RAB38: variants seen among roughly 807,000 people sequenced by gnomAD.
RAB38 encodes the protein RAB38, member RAS oncogene family.
Under a neutral mutation model 18.4 loss-of-function variants are expected in RAB38, and 15 were observed. The ratio of observed to expected loss-of-function variants is 0.82; its 90% CI spans 0.55 to 1.26. The LOEUF (loss-of-function observed/expected upper bound fraction) is 1.26. Among genes scored for constraint, RAB38 ranks in the 50% most tolerant of loss-of-function variants. RAB38 has a pLI of 0.00. For missense variants in RAB38, 294 were observed against 267.4 expected (o/e 1.10, Z -0.69); for synonymous variants, 101 against 104.4 (o/e 0.97, Z 0.20).
chr11:88,018,202 C>T, the RAB38 span, among the ~76,000 whole-genome samples: 1 of 152,138 alleles, frequency 6.6e-6, no homozygotes, highest in Non-Finnish European at 1.5e-5. Flanking sequence ...GCTAATAACC[C>T]TGCTTCTTAT....
At chr11:88,120,902 TAG>T (rs1322083920) in intron 2 of RAB38, among the ~76,000 whole-genome samples, 1 of 152,084 alleles carries the variant, frequency 6.6e-6, no homozygotes, top group Non-Finnish European at 1.5e-5. Context: ...CACCAAATAT[TAG>T]AGAGGAGGGG....
chr11:87,904,426 A>AT, the RAB38 span, among the ~76,000 whole-genome samples: 2 of 151,598 alleles, frequency 1.3e-5, no homozygotes, highest in African/African-American at 2.4e-5. Context: ...TGATTTTGTT[A>AT]TTTTTTAATG....
At chr11:88,032,061 T>C in the RAB38 span, among the ~76,000 whole-genome samples, 1 of 151,046 alleles carries the variant, frequency 6.6e-6, no homozygotes, top group African/African-American at 2.4e-5. Flanking sequence ...AACAGAGCCC[T>C]CAGAAATAAT....
chr11:88,094,341 A>G, the RAB38 span, among the ~76,000 whole-genome samples: 4 of 151,914 alleles, frequency 2.6e-5, no homozygotes, highest in Non-Finnish European at 5.9e-5. Context: ...TTCAATAGGC[A>G]CATGGATCAA....
intron 2 of RAB38, among the ~76,000 whole-genome samples, chr11:88,126,806 G>A (rs940861367): frequency 2.0e-5 from 3 of 152,046 alleles, no homozygotes; most frequent in African/African-American, 4.8e-5. Flanking sequence ...GTTTCTTTAC[G>A]TATAATCTGT....
the RAB38 span, among the ~76,000 whole-genome samples, chr11:87,871,092 G>A: frequency 6.6e-6 from 1 of 151,554 alleles, no homozygotes; most frequent in Admixed American, 6.6e-5. Flanking sequence ...AAAAATTAAA[G>A]CAAACAAATT....
intron 2 of RAB38, among the ~76,000 whole-genome samples, chr11:88,119,325 TG>T (rs1357797856): frequency 6.6e-6 from 1 of 152,152 alleles, no homozygotes; most frequent in African/African-American, 2.4e-5. Context: ...CATGTACCCC[TG>T]TATCTAAAAG....
chr11:88,114,395 G>A (rs1285751100), intron 2 of RAB38, among the ~76,000 whole-genome samples: 1 of 152,160 alleles, frequency 6.6e-6, no homozygotes, highest in Non-Finnish European at 1.5e-5. Flanking sequence ...TTAAATTTCA[G>A]TTAGAGGGCA....
At position 88,114,826 on chromosome 11, in the gene RAB38, T is replaced by C. The variant is rs576277546; in HGVS notation, c.484-686A>G. The stretch of plus-strand genomic sequence containing the variant: ...TGAGTGAGAATCAAGTAGAGGCAAG[T>C]ATCCCAATCAGCCCATGCTATGTAG... On this transcript the variant is annotated intron_variant, in intron 2 of 2. Transcript: ENST00000243662. Among the ~76,000 whole-genome samples the C allele has an allele frequency of 1.4e-4, 21 of 152,346 alleles. No individual in the cohort carries two copies. The South Asian group carries it at 3.5e-3, about 26-fold the overall frequency.
the RAB38 span, among the ~76,000 whole-genome samples, chr11:87,873,790 T>A: frequency 4.6e-5 from 7 of 151,044 alleles, no homozygotes. Flanking sequence ...CTTTCTTAAC[T>A]CTCTGTTATA....
At chr11:88,032,372 T>G in the RAB38 span, among the ~76,000 whole-genome samples, 1 of 152,010 alleles carries the variant, frequency 6.6e-6, no homozygotes, top group Non-Finnish European at 1.5e-5. Flanking sequence ...AAGCCAAAAT[T>G]GACAAATGGG....
At chr11:87,929,748 C>T in the RAB38 span, among the ~76,000 whole-genome samples, 20 of 134,644 alleles carry the variant, frequency 1.5e-4, no homozygotes, top group Middle Eastern at 3.7e-3. Context: ...CGGTGTGTGA[C>T]GTTCCCCTTC....
chr11:88,148,785 T>C (rs1295800350), intron 2 of RAB38, among the ~76,000 whole-genome samples: 1 of 152,204 alleles, frequency 6.6e-6, no homozygotes, highest in Non-Finnish European at 1.5e-5. Flanking sequence ...GGAAAAATCA[T>C]GATATAAAAC....
the RAB38 span, among the ~76,000 whole-genome samples, chr11:87,976,734 A>ATATATATT: frequency 1.7e-5 from 2 of 118,472 alleles, no homozygotes; most frequent in East Asian, 5.0e-4. Context: ...ATTTTATATA[A>ATATATATT]TATATATTTA....
At chr11:87,825,212 C>T in the RAB38 span, among the ~76,000 whole-genome samples, 11 of 151,918 alleles carry the variant, frequency 7.2e-5, no homozygotes, top group Non-Finnish European at 1.0e-4. Context: ...CTCCTGTGCA[C>T]CTGTTATAAA....
chr11:88,019,268 C>T, the RAB38 span, among the ~76,000 whole-genome samples: 2 of 152,070 alleles, frequency 1.3e-5, no homozygotes, highest in Non-Finnish European at 2.9e-5. Flanking sequence ...CATAATTGAC[C>T]AAGTTCCACA....
the RAB38 span, among the ~76,000 whole-genome samples, chr11:87,861,019 G>A: frequency 2.6e-5 from 4 of 151,822 alleles, no homozygotes; most frequent in African/African-American, 9.7e-5. Flanking sequence ...CTGGAAGAAA[G>A]GTGAAATTAT....
chr11:88,143,504 T>C (rs1942942907), intron 2 of RAB38, among the ~76,000 whole-genome samples: 1 of 152,176 alleles, frequency 6.6e-6, no homozygotes, highest in South Asian at 2.1e-4. Flanking sequence ...GCAGGCCATA[T>C]TTGGCCCACA....
chr11:87,849,377 A>G, the RAB38 span, among the ~76,000 whole-genome samples: 4 of 152,172 alleles, frequency 2.6e-5, no homozygotes, highest in South Asian at 4.1e-4. Context: ...GTCGCCATAT[A>G]TAGAATTGGC....
Sources: gnomAD v4.1 joint callset for allele counts (sites outside exome capture counted in the v4.1 genomes callset) on GRCh38, gnomAD v4.1.1 for gene constraint, MANE v1.5 for transcripts, NCBI Gene and HGNC (gene_info 2026-07-23, HGNC 2026-07-21) for gene names.